MARCHF1: variants seen among roughly 807,000 people sequenced by gnomAD.
The protein encoded by MARCHF1 is E3 ubiquitin-protein ligase MARCHF1.
MARCHF1 carries 40 observed loss-of-function variants against 54.2 expected under a neutral mutation model. That is an observed-to-expected ratio of 0.74 (90% CI 0.57 to 0.96). The LOEUF (loss-of-function observed/expected upper bound fraction) is 0.96, where lower values mean the gene tolerates loss of function less well. Among genes scored for constraint, MARCHF1 ranks in the 40% least tolerant of loss-of-function variants. The pLI, the probability that MARCHF1 is intolerant of heterozygous loss-of-function variation, is 0.00. For missense variants in MARCHF1, 586 were observed against 656.5 expected (o/e 0.89, Z 1.17); for synonymous variants, 236 against 236.3 (o/e 1.00, Z 0.01).
chr4:163,953,352 G>C (rs549368008), intron 3 of MARCHF1, among the ~76,000 whole-genome samples: 117 of 152,108 alleles, frequency 7.7e-4, no homozygotes, highest in African/African-American at 2.6e-3. Flanking sequence ...GTCATTTAAG[G>C]CTTGATTTTT....
At chr4:163,554,531 G>A (rs539663123) in intron 8 of MARCHF1, among the ~76,000 whole-genome samples, 3 of 152,322 alleles carry the variant, frequency 2.0e-5, no homozygotes, top group Non-Finnish European at 2.9e-5. Context: ...GGCTTGGAGC[G>A]AAGCAACTAA....
chr4:163,793,816 C>A (rs901859822), intron 4 of MARCHF1, among the ~76,000 whole-genome samples: 6 of 152,180 alleles, frequency 3.9e-5, no homozygotes, highest in Non-Finnish European at 7.3e-5. Context: ...CCCCTGCTTG[C>A]TCAGTCGATC....
intron 2 of MARCHF1, among the ~76,000 whole-genome samples, chr4:164,081,395 A>G (rs1755098496): frequency 1.3e-5 from 2 of 152,008 alleles, no homozygotes; most frequent in African/African-American, 4.8e-5. Context: ...ACTTTTTGGA[A>G]TAACTTAGCA....
At chr4:163,730,121 GTCTTA>G (rs1745783291) in intron 4 of MARCHF1, among the ~76,000 whole-genome samples, 1 of 151,902 alleles carries the variant, frequency 6.6e-6, no homozygotes, top group African/African-American at 2.4e-5. Flanking sequence ...AATTTACATT[GTCTTA>G]TCTTCAAGTT....
chr4:164,028,950 T>C (rs190463965), intron 2 of MARCHF1, among the ~76,000 whole-genome samples: 75 of 152,306 alleles, frequency 4.9e-4, no homozygotes, highest in East Asian at 2.9e-3. Context: ...CTTCTTTGTA[T>C]TGACTCATAG....
At chr4:163,825,631 C>G (rs975863527) in intron 4 of MARCHF1, among the ~76,000 whole-genome samples, 1 of 151,886 alleles carries the variant, frequency 6.6e-6, no homozygotes, top group African/African-American at 2.4e-5. Flanking sequence ...TTAATAGTAG[C>G]CATTCTGACT....
intron 5 of MARCHF1, among the ~76,000 whole-genome samples, chr4:163,698,347 C>T (rs112422339): frequency 2.6e-5 from 4 of 152,256 alleles, no homozygotes; most frequent in Non-Finnish European, 5.9e-5. Context: ...GAATAGTTTT[C>T]CACTTATCAA....
At chr4:163,763,263 C>G (rs1746879714) in intron 4 of MARCHF1, among the ~76,000 whole-genome samples, 1 of 152,066 alleles carries the variant, frequency 6.6e-6, no homozygotes, top group Non-Finnish European at 1.5e-5. Flanking sequence ...GTCCTTACTT[C>G]TATACCTATT....
rs57770641 is a variant in MARCHF1 at position 164,176,941 on chromosome 4, GCTCTCTCT to G, written c.-322-65287_-322-65280del. On this transcript the variant is annotated intron_variant, in intron 1 of 9. Transcript: ENST00000514618. ...TGTTATTTATCTGAGTACCTTGTGCGCTCTCTCTCTCTCTCTCTCTCTCTCTCTCTCTC... is the reference window on the plus strand; with the variant it reads ...TGTTATTTATCTGAGTACCTTGTGCGCTCTCTCTCTCTCTCTCTCTCTCTC... Among the ~76,000 whole-genome samples, 314 of 58,070 alleles carry G rather than the reference GCTCTCTCT, an allele frequency of 5.4e-3. 10 individuals are homozygous for G. Among genetic ancestry groups the G allele is most frequent in the Admixed American group, 6.4e-3 (42 of 6,542 alleles). 38.1% of individuals were successfully genotyped at this position (58,070 alleles called of 152,430 possible).
At chr4:164,215,993 T>G (rs1560957949) in intron 1 of MARCHF1, among the ~76,000 whole-genome samples, 1 of 152,226 alleles carries the variant, frequency 6.6e-6, no homozygotes. Context: ...TATTTCTGTA[T>G]TTAATTAGGT....
chr4:163,548,551 G>T (rs1445645238), intron 8 of MARCHF1, among the ~76,000 whole-genome samples: 1 of 152,128 alleles, frequency 6.6e-6, no homozygotes, highest in African/African-American at 2.4e-5. Flanking sequence ...CTTCTAAATC[G>T]CAGTTAACAT....
At chr4:163,736,559 GA>G (rs1214762660) in intron 4 of MARCHF1, among the ~76,000 whole-genome samples, 2 of 124,004 alleles carry the variant, frequency 1.6e-5, no homozygotes, top group African/African-American at 5.9e-5. Flanking sequence ...TGGGGGGGGG[GA>G]CTATTGTATT....
intron 2 of MARCHF1, among the ~76,000 whole-genome samples, chr4:164,044,287 TCA>T (rs1176016651): frequency 6.6e-6 from 1 of 152,194 alleles, no homozygotes; most frequent in Non-Finnish European, 1.5e-5. Flanking sequence ...TGGGTTTGAC[TCA>T]CAGTTCCACA....
chr4:163,695,429 A>C (rs145798555), intron 5 of MARCHF1, among the ~76,000 whole-genome samples: 3 of 152,316 alleles, frequency 2.0e-5, no homozygotes, highest in Admixed American at 6.5e-5. Flanking sequence ...TATCCCATGC[A>C]TCTTTATTTA....
At chr4:163,683,889 GCTCACTCA>G (rs3080980) in intron 5 of MARCHF1, among the ~76,000 whole-genome samples, 7,970 of 148,960 alleles carry the variant, frequency 0.054, 250 homozygotes, top group East Asian at 0.082. Flanking sequence ...TCATGTGGAG[GCTCACTCA>G]CTCACTCACT....
chr4:163,794,057 G>A (rs1269093720), intron 4 of MARCHF1, among the ~76,000 whole-genome samples: 2 of 152,148 alleles, frequency 1.3e-5, no homozygotes, highest in Non-Finnish European at 2.9e-5. Flanking sequence ...TGAAATAAAT[G>A]TGTCACTTAT....
At chr4:163,769,113 C>A (rs1383833693) in intron 4 of MARCHF1, among the ~76,000 whole-genome samples, 1 of 152,134 alleles carries the variant, frequency 6.6e-6, no homozygotes, top group Non-Finnish European at 1.5e-5. Context: ...TTTAATGTGA[C>A]TTATAGCTAT....
chr4:164,021,347 C>T (rs1220914593), intron 2 of MARCHF1, among the ~76,000 whole-genome samples: 2 of 152,132 alleles, frequency 1.3e-5, no homozygotes, highest in Non-Finnish European at 2.9e-5. Context: ...TCTCTTGCTC[C>T]ATCAACTCTG....
At position 163,816,484 on chromosome 4, in the gene MARCHF1, A is replaced by G. The variant is rs573455982; in HGVS notation, c.111+37537T>C. Among the ~76,000 whole-genome samples, 11 of 152,050 alleles carry G rather than the reference A, an allele frequency of 7.2e-5. No individual in the cohort carries two copies. The South Asian group carries it at 2.3e-3, about 32-fold the overall frequency. ...TGGTTACCCTAACAAAACATCTTTA[A>G]TGATACTACCACTAGTAACCTTTTA... On this transcript the variant is annotated intron_variant, in intron 4 of 9. Coordinates refer to ENST00000514618, the MANE Select transcript of MARCHF1 (RefSeq NM_001394959.1).
Sources: gnomAD v4.1 joint callset for allele counts (sites outside exome capture counted in the v4.1 genomes callset) on GRCh38, gnomAD v4.1.1 for gene constraint, MANE v1.5 for transcripts, NCBI Gene and HGNC (gene_info 2026-07-23, HGNC 2026-07-21) for gene names.